The following HDAC7 variants were observed in gnomAD, a reference collection of about 807,000 sequenced individuals.
HDAC7 encodes histone deacetylase 7.
A neutral mutation model predicts 115.5 loss-of-function variants in HDAC7; 26 were observed. The observed-to-expected ratio is 0.23, with a 90% CI of 0.16 to 0.31. The LOEUF is 0.31. Ranked by LOEUF, HDAC7 falls within the 10% of genes least tolerant of loss-of-function variation. The probability of loss-of-function intolerance (pLI) is 1.00; values close to 1 mark genes in which losing one functional copy is unlikely to be tolerated. For missense variants in HDAC7, 1,068 were observed against 1,329.0 expected (o/e 0.80, Z 3.05); for synonymous variants, 564 against 550.9 (o/e 1.02, Z -0.33).
rs538960873 is a variant in HDAC7, at chr12:47,795,856, G to A, written c.906+50C>T. 8.2e-4 allele frequency: 734 copies of A among 894,882 alleles called. 6 individuals carry two copies. The highest frequency in any genetic ancestry group is 6.2e-3 in the Admixed American group (264 of 42,704). The allele number at this position is 894,882 out of a possible 1,614,324, so 55.4% of individuals were successfully genotyped here. A position where few individuals can be genotyped will look rare whatever the true frequency, so the allele number is the denominator to read the frequency against. On this transcript the variant is annotated intron_variant, in intron 9 of 25. Coordinates refer to ENST00000080059, the MANE Select transcript of HDAC7 (RefSeq NM_015401.5). The surrounding 1 kb of genome is among the most constrained non-coding windows in gnomAD (Gnocchi z 4.3). ...GGGTGAGGCAGCAAGAAAAGGGAGT[G>A]AAAGAAGCTGGGGGGGCTTGGAGTG...
In HDAC7 at chr12:47,788,125, G is replaced by T; in HGVS notation, c.2275C>A (p.Gln759Lys). The change falls in exon 20 of 26, where the codon CAA (glutamine) becomes AAA (lysine). Residue 759 changes from glutamine to lysine, a missense_variant. Transcript: ENST00000080059. ...HGNGTQQTFY[Q>K]DPSVLYISLH... ...GAGATGTAGAGCACACTGGGGTCTT[G>T]GTAGAAGGTTTGCTGGGTGCCGTTG... 1 of 1,613,274 alleles carries T rather than the reference G, an allele frequency of 6.2e-7. No homozygotes were observed. Among genetic ancestry groups the T allele is most frequent in the Non-Finnish European group, 8.5e-7 (1 of 1,179,548 alleles).
Position 47,797,303 on chromosome 12 carries a change from C to G in HDAC7, c.577+81G>C, listed in dbSNP as rs572212761. 15 of 1,368,200 alleles carry G rather than the reference C, an allele frequency of 1.1e-5. No homozygotes were observed. Among genetic ancestry groups the G allele is most frequent in the African/African-American group, 1.0e-4 (7 of 69,306 alleles). The allele number at this position is 1,368,200 out of a possible 1,614,324, so 84.8% of individuals were successfully genotyped here. ...ATCTCCTGGCCCAGCCCAGCCCGCC[C>G]ACCCCTGCACACTCCTCCCCCATGT... On this transcript the variant is annotated intron_variant, in intron 6 of 25. Coordinates refer to ENST00000080059, the MANE Select transcript of HDAC7 (RefSeq NM_015401.5). The surrounding 1 kb of genome is among the most constrained non-coding windows in gnomAD (Gnocchi z 5.5).
At chr12:47,785,174 G>A (rs1401263274) in intron 24 of HDAC7, 10 of 563,134 alleles carry the variant, frequency 1.8e-5, no homozygotes, top group Admixed American at 1.4e-4. Context: ...CTGTCTGGTA[G>A]GCCCTGCTGG....
intron 13 of HDAC7, 125 bp from the exon 14 acceptor site, chr12:47,792,129 C>T: frequency 9.3e-7 from 1 of 1,075,328 alleles, no homozygotes; most frequent in South Asian, 1.6e-5. Flanking sequence ...ACACACCCCT[C>T]ACACCCACAC....
At chr12:47,788,442 G>A (rs894117538) in intron 19 of HDAC7, 1 of 288,638 alleles carries the variant, frequency 3.5e-6, no homozygotes, top group Admixed American at 4.7e-5. Flanking sequence ...GAGAGTAACT[G>A]TGTGGACATG....
chr12:47,817,049 T>C (rs567456982), intron 1 of HDAC7, among the ~76,000 whole-genome samples: 1 of 152,216 alleles, frequency 6.6e-6, no homozygotes, highest in Non-Finnish European at 1.5e-5. Context: ...TGGGGGCACC[T>C]TCCTGTAGCC....
At chr12:47,804,626 T>A (rs1944315546) in intron 1 of HDAC7, among the ~76,000 whole-genome samples, 1 of 152,132 alleles carries the variant, frequency 6.6e-6, no homozygotes, top group Non-Finnish European at 1.5e-5. Flanking sequence ...TTTGGAATCC[T>A]GGCTACTCCC....
rs35753431 is a variant in HDAC7 at position 47,797,895 on chromosome 12, T to TGTGTGTGTGTGTGTGTGTGA, written c.461+212_461+213insTCACACACACACACACACAC. ...GTGTGTGTGTGTGTGTGTGTGTGTG[T>TGTGTGTGTGTGTGTGTGTGA]GAGAAGGGCTCAGGTGGGGTGGGGA... On this transcript the variant is annotated intron_variant, in intron 5 of 25. Transcript: ENST00000080059. This position sits in a 1 kb window ranked among gnomAD's most constrained non-coding sequence, Gnocchi z 5.5. Among the ~76,000 whole-genome samples, 87 of 143,442 alleles carry TGTGTGTGTGTGTGTGTGTGA rather than the reference T, an allele frequency of 6.1e-4. No individual in the cohort carries two copies. The highest frequency in any genetic ancestry group is 3.5e-3 in the Middle Eastern group (1 of 284). The allele number at this position is 143,442 out of a possible 152,430, so 94.1% of individuals were successfully genotyped here. A position where few individuals can be genotyped will look rare whatever the true frequency, so the allele number is the denominator to read the frequency against.
chr12:47,787,059 C>T (rs2136911808), intron 21 of HDAC7, among the ~76,000 whole-genome samples: 1 of 152,314 alleles, frequency 6.6e-6, no homozygotes, highest in East Asian at 1.9e-4. Flanking sequence ...AAAGGGTAAT[C>T]TCACAGCCTT....
At chr12:47,789,407 G>T (rs1943358411) in intron 18 of HDAC7, 59 bp from the exon 19 acceptor site, 2 of 1,577,516 alleles carry the variant, frequency 1.3e-6, no homozygotes, top group Admixed American at 1.7e-5. Context: ...ACCTCCCCAG[G>T]CCCCTGGGTT....
Position 47,784,619 on chromosome 12 carries a change from C to A in HDAC7, c.2792-402G>T, listed in dbSNP as rs568398766. On this transcript the variant is annotated intron_variant, in intron 24 of 25. Coordinates refer to ENST00000080059, the MANE Select transcript of HDAC7 (RefSeq NM_015401.5). The stretch of plus-strand genomic sequence containing the variant: ...CTCGGGCCTCCCACTTAAACACAGC[C>A]CCCACCAGTGCTCAGCCCAGCACTC... The A allele has an allele frequency of 2.6e-4, 307 of 1,160,192 alleles. No homozygotes were observed. In the African/African-American group the frequency reaches 4.3e-3, roughly 16 times the overall value. The allele number at this position is 1,160,192 out of a possible 1,614,324, so 71.9% of individuals were successfully genotyped here.
rs1943961250 is a variant in HDAC7, at chr12:47,798,063, G to A, written c.461+45C>T. On this transcript the variant is annotated intron_variant, in intron 5 of 25. Coordinates refer to ENST00000080059, the MANE Select transcript of HDAC7 (RefSeq NM_015401.5). The surrounding 1 kb of genome is among the most constrained non-coding windows in gnomAD (Gnocchi z 4.3). ...TCATGGCTAACACGGGGGCGGGGGTGGAGGGTGCATGTGGGGACAGGAGGG... is the reference window on the plus strand; with the variant it reads ...TCATGGCTAACACGGGGGCGGGGGTAGAGGGTGCATGTGGGGACAGGAGGG... The A allele has an allele frequency of 1.5e-6, 2 of 1,374,264 alleles. No individual in the cohort carries two copies. 85.1% of individuals were successfully genotyped at this position (1,374,264 alleles called of 1,614,324 possible). A position where few individuals can be genotyped will look rare whatever the true frequency, so the allele number is the denominator to read the frequency against.
chr12:47,805,147 T>G (rs1238599651), intron 1 of HDAC7, among the ~76,000 whole-genome samples: 1 of 151,904 alleles, frequency 6.6e-6, no homozygotes, highest in Non-Finnish European at 1.5e-5. Flanking sequence ...CATGGCTCAC[T>G]GCAGCGTTGA....
chr12:47,813,843 A>G (rs1378505164), intron 1 of HDAC7, among the ~76,000 whole-genome samples: 1 of 152,092 alleles, frequency 6.6e-6, no homozygotes, highest in Non-Finnish European at 1.5e-5. Flanking sequence ...CTCCTTTGAC[A>G]CTCAATAATC....
chr12:47,795,159 A>G lies in HDAC7; in HGVS notation c.1284+25T>C, dbSNP rs774761817. The G allele has an allele frequency of 6.3e-7, 1 of 1,585,984 alleles. No homozygotes were observed. Among genetic ancestry groups the G allele is most frequent in the Non-Finnish European group, 8.6e-7 (1 of 1,159,372 alleles). ...GTCCCCAGTTAAACACTCCCTCAAT[A>G]CCTCCACTGCCCAATTCCTCTCACC... On this transcript the variant is annotated intron_variant, in intron 11 of 25. Coordinates refer to ENST00000080059, the MANE Select transcript of HDAC7 (RefSeq NM_015401.5). The surrounding 1 kb of genome is among the most constrained non-coding windows in gnomAD (Gnocchi z 4.3).
intron 1 of HDAC7, among the ~76,000 whole-genome samples, chr12:47,813,812 A>G (rs1455455887): frequency 9.2e-5 from 14 of 152,176 alleles, no homozygotes. Flanking sequence ...TGCAGGGGGA[A>G]AAGCGGACCT....
chr12:47,801,780 G>A (rs902525211), intron 2 of HDAC7, among the ~76,000 whole-genome samples: 2 of 152,186 alleles, frequency 1.3e-5, no homozygotes, highest in African/African-American at 4.8e-5. Context: ...CCAGCAGAGG[G>A]AGGAGGCGCA....
At chr12:47,804,524 GA>G (rs35819372) in intron 1 of HDAC7, among the ~76,000 whole-genome samples, 44,091 of 129,550 alleles carry the variant, frequency 0.34, 7,103 homozygotes, top group African/African-American at 0.42. Context: ...GGGTCAGCCT[GA>G]AAAAAAAAAA....
intron 1 of HDAC7, 25 bp downstream of exon 1, chr12:47,819,741 GC>G: frequency 1.2e-6 from 1 of 800,326 alleles, no homozygotes; most frequent in Non-Finnish European, 1.5e-6. Context: ...GCAGGGCGGG[GC>G]GGGGGGCGGC....
Sources: gnomAD v4.1 joint callset for allele counts (sites outside exome capture counted in the v4.1 genomes callset) on GRCh38, gnomAD v4.1.1 for gene constraint, Gnocchi (gnomAD v3.1) non-coding constraint, MANE v1.5 for transcripts, NCBI Gene and HGNC (gene_info 2026-07-23, HGNC 2026-07-21) for gene names.